Variants in TMA16 observed in about 807,000 individuals in gnomAD.
The protein encoded by TMA16 is translation machinery associated 16 homolog.
TMA16 carries 26 observed loss-of-function variants against 27.1 expected under a neutral mutation model. The ratio of observed to expected loss-of-function variants is 0.96; its 90% CI spans 0.70 to 1.33. The LOEUF (loss-of-function observed/expected upper bound fraction) is 1.33. TMA16 is among the 40% of genes most tolerant of loss of function. The pLI is 0.00. For missense variants in TMA16, 233 were observed against 241.4 expected (o/e 0.97, Z 0.23); for synonymous variants, 71 against 81.9 (o/e 0.87, Z 0.72).
At chr4:163,513,183 G>A (rs898450380) in intron 3 of TMA16, among the ~76,000 whole-genome samples, 7 of 152,200 alleles carry the variant, frequency 4.6e-5, no homozygotes, top group African/African-American at 1.7e-4. Flanking sequence ...TATGGCCTAG[G>A]TAGAAACCAC....
At chr4:163,511,841 A>C (rs1737804794) in intron 2 of TMA16, among the ~76,000 whole-genome samples, 1 of 152,032 alleles carries the variant, frequency 6.6e-6, no homozygotes, top group African/African-American at 2.4e-5. Flanking sequence ...TAATAATGAT[A>C]ATAATAACAA....
chr4:163,510,846 C>T (rs1425453631), intron 2 of TMA16, among the ~76,000 whole-genome samples: 4 of 152,168 alleles, frequency 2.6e-5, no homozygotes, highest in Middle Eastern at 3.2e-3. Flanking sequence ...CCCCCAAAGC[C>T]TAAAATGTGA....
At chr4:163,501,420 A>G (rs1737649828) in intron 1 of TMA16, among the ~76,000 whole-genome samples, 1 of 152,220 alleles carries the variant, frequency 6.6e-6, no homozygotes, top group Non-Finnish European at 1.5e-5. Flanking sequence ...TGGTTAGGCC[A>G]TTCTGACTGA....
At chr4:163,513,008 A>T (rs544092211) in intron 3 of TMA16, 149 bp downstream of exon 3, 6 of 540,256 alleles carry the variant, frequency 1.1e-5, no homozygotes, top group Non-Finnish European at 1.9e-5. Flanking sequence ...ATCAATCATT[A>T]AACTTTTGGA....
intron 2 of TMA16, among the ~76,000 whole-genome samples, chr4:163,507,736 A>G (rs965462289): frequency 2.0e-5 from 3 of 152,122 alleles, no homozygotes; most frequent in Non-Finnish European, 4.4e-5. Context: ...TTTAGAGGTT[A>G]GGAAAAGAAG....
chr4:163,514,197 G>A, intron 4 of TMA16, 39 bp downstream of exon 4: 9 of 1,520,840 alleles, frequency 5.9e-6, no homozygotes, highest in Non-Finnish European at 8.1e-6. Flanking sequence ...GGTCAGAAAA[G>A]GGAATTGTCC....
chr4:163,498,972 T>C (rs28495121), intron 1 of TMA16, among the ~76,000 whole-genome samples: 1 of 152,186 alleles, frequency 6.6e-6, no homozygotes, highest in Non-Finnish European at 1.5e-5. Context: ...ATGGGTACTA[T>C]CAAATTGCCT....
intron 1 of TMA16, among the ~76,000 whole-genome samples, chr4:163,505,564 A>G (rs1737708292): frequency 6.6e-6 from 1 of 152,262 alleles, no homozygotes; most frequent in Non-Finnish European, 1.5e-5. Context: ...CAGAGGTAAT[A>G]ACAAGTGCAG....
Position 163,514,072 on chromosome 4 carries a change from A to C in TMA16, c.155-2A>C, listed in dbSNP as rs893995023. ...AACTGTCTTGGTACTTGTTGTTTATAGGTGAAAAACTGCAATGGTTTCAAA... is the reference window on the plus strand; with the variant it reads ...AACTGTCTTGGTACTTGTTGTTTATCGGTGAAAAACTGCAATGGTTTCAAA... On this transcript the variant is annotated splice_acceptor_variant, in intron 3 of 6. Transcript: ENST00000358572. LOFTEE classifies it high-confidence loss of function. 2.5e-6 allele frequency: 4 copies of C among 1,602,672 alleles called. No individual in the cohort carries two copies. In the African/African-American group the frequency reaches 5.4e-5, roughly 22 times the overall value.
intron 1 of TMA16, among the ~76,000 whole-genome samples, chr4:163,505,932 G>A (rs1298760643): frequency 6.6e-6 from 1 of 152,126 alleles, no homozygotes; most frequent in Non-Finnish European, 1.5e-5. Flanking sequence ...GCCTTTTTCT[G>A]GAATAGGTAT....
intron 5 of TMA16, among the ~76,000 whole-genome samples, chr4:163,516,642 A>G (rs896370176): frequency 5.9e-5 from 9 of 152,240 alleles, no homozygotes; most frequent in African/African-American, 2.2e-4. Context: ...TGTATCATGC[A>G]TATTGGTTTA....
chr4:163,511,348 T>C (rs1737793778), intron 2 of TMA16, among the ~76,000 whole-genome samples: 3 of 152,118 alleles, frequency 2.0e-5, no homozygotes, highest in African/African-American at 7.2e-5. Context: ...AGGTTCTTTT[T>C]GGTCATTTGT....
At position 163,494,692 on chromosome 4, in the gene TMA16, G is replaced by A; in HGVS notation, c.-110G>A. 2 of 1,492,440 alleles carry A rather than the reference G, an allele frequency of 1.3e-6. No homozygotes were observed. The highest frequency in any genetic ancestry group is 9.3e-7 in the Non-Finnish European group (1 of 1,074,066). The allele number at this position is 1,492,440 out of a possible 1,614,324, so 92.4% of individuals were successfully genotyped here. A position where few individuals can be genotyped will look rare whatever the true frequency, so the allele number is the denominator to read the frequency against. ...GGTTGGGTCGGCGCGGGCTTCTCAGGCGCCACGTGGGATTCGGCCCGGGTG... is the reference window on the plus strand; with the variant it reads ...GGTTGGGTCGGCGCGGGCTTCTCAGACGCCACGTGGGATTCGGCCCGGGTG... On this transcript the variant is annotated 5_prime_UTR_variant, in exon 1 of 7. Transcript: ENST00000358572.
chr4:163,509,627 A>T (rs1437629112), intron 2 of TMA16, among the ~76,000 whole-genome samples: 1 of 152,210 alleles, frequency 6.6e-6, no homozygotes, highest in African/African-American at 2.4e-5. Flanking sequence ...CAGACCTCAG[A>T]AAAGATACTG....
At chr4:163,512,754 G>A in intron 2 of TMA16, 68 bp from the exon 3 acceptor site, 1 of 1,226,006 alleles carries the variant, frequency 8.2e-7, no homozygotes, top group Non-Finnish European at 1.2e-6. Context: ...TCTTTTCGTT[G>A]TTATTGTCAG....
At position 163,520,030 on chromosome 4, in the gene TMA16, ATTAT is replaced by A. The variant is rs1737947389; in HGVS notation, c.*518_*521del. 1 of 608,436 alleles carries A rather than the reference ATTAT, an allele frequency of 1.6e-6. No homozygotes were observed. The highest frequency in any genetic ancestry group is 1.9e-5 in the African/African-American group (1 of 53,852). 37.7% of individuals were successfully genotyped at this position (608,436 alleles called of 1,614,324 possible). On this transcript the variant is annotated 3_prime_UTR_variant, in exon 7 of 7. Coordinates refer to ENST00000358572, the MANE Select transcript of TMA16 (RefSeq NM_018352.3). Reference sequence around the variant, plus strand: ...GTTTGTATACATTTCTGGATTATAGATTATTATTTATCTTTTGAACCAGAGCTAA... The same window carrying A: ...GTTTGTATACATTTCTGGATTATAGATATTTATCTTTTGAACCAGAGCTAA...
intron 5 of TMA16, 166 bp from the exon 6 acceptor site, chr4:163,517,268 T>G: frequency 1.6e-6 from 1 of 626,640 alleles, no homozygotes; most frequent in Non-Finnish European, 2.8e-6. Flanking sequence ...TTTTCTTAAG[T>G]CATCTTAAAC....
chr4:163,496,712 C>T (rs910013863), intron 1 of TMA16, among the ~76,000 whole-genome samples: 2 of 152,076 alleles, frequency 1.3e-5, no homozygotes, highest in Non-Finnish European at 2.9e-5. Context: ...ATTCTCCTGC[C>T]TCAGCCTCCC....
chr4:163,505,408 C>T (rs776954658), intron 1 of TMA16, among the ~76,000 whole-genome samples: 3 of 152,098 alleles, frequency 2.0e-5, no homozygotes, highest in East Asian at 3.9e-4. Flanking sequence ...TATCAGAAAG[C>T]GAGCAGAGCG....
Sources: allele counts gnomAD v4.1 joint callset (sites outside exome capture counted in the v4.1 genomes callset), GRCh38; gene constraint gnomAD v4.1.1; transcripts MANE v1.5; gene names NCBI Gene and HGNC (gene_info 2026-07-23, HGNC 2026-07-21).